Variants in RBFOX1 observed in about 807,000 individuals in gnomAD.
RBFOX1 encodes the protein RNA binding protein fox-1 homolog 1.
Under a neutral mutation model 57.7 loss-of-function variants are expected in RBFOX1, and 8 were observed. That is an observed-to-expected ratio of 0.14 (90% CI 0.08 to 0.25). The LOEUF is 0.25. Ranked by LOEUF, RBFOX1 falls within the 10% of genes least tolerant of loss-of-function variation. The pLI is 1.00. For missense variants in RBFOX1, 611 were observed against 548.5 expected, an observed-to-expected ratio of 1.11 and a Z score of -1.14; for synonymous variants, 326 against 222.4, an observed-to-expected ratio of 1.47 and a Z score of -4.15.
At chr16:7,613,853 C>G (rs1260682603) in intron 10 of RBFOX1, among the ~76,000 whole-genome samples, 4 of 152,182 alleles carry the variant, frequency 2.6e-5, no homozygotes, top group Non-Finnish European at 5.9e-5. Context: ...TTAAGATTGT[C>G]TAGAACCCAC....
rs112278269 is a variant in RBFOX1, at chr16:5,925,131, C to T, written c.351+57796C>T. Among the ~76,000 whole-genome samples the T allele has an allele frequency of 5.3e-5, 8 of 152,224 alleles. No individual in the cohort carries two copies. In the East Asian group the frequency reaches 5.8e-4, roughly 11 times the overall value. ...CTCCTGATTATTGATCCTCAGATCC[C>T]GATGCCTCTGCAGACAAACTTCCCT... On this transcript the variant is annotated intron_variant, in intron 4 of 19. Transcript: ENST00000641259.
chr16:6,972,808 A>G (rs1226745822), intron 3 of RBFOX1, among the ~76,000 whole-genome samples: 3 of 151,950 alleles, frequency 2.0e-5, no homozygotes, highest in African/African-American at 7.3e-5. Flanking sequence ...TTCTGTTCAA[A>G]TTCATATTTT....
intron 3 of RBFOX1, among the ~76,000 whole-genome samples, chr16:7,043,413 G>A (rs955633916): frequency 1.3e-5 from 2 of 152,128 alleles, no homozygotes; most frequent in Admixed American, 1.3e-4. Flanking sequence ...AGTACCCTGA[G>A]TACATATGTC....
intron 3 of RBFOX1, among the ~76,000 whole-genome samples, chr16:5,658,758 ATG>A (rs1332464635): frequency 1.6e-5 from 2 of 122,478 alleles, no homozygotes; most frequent in Non-Finnish European, 3.5e-5. Flanking sequence ...ATATATATAT[ATG>A]TGTATGTATA....
At chr16:6,882,045 T>C (rs1028194087) in intron 3 of RBFOX1, among the ~76,000 whole-genome samples, 6 of 152,062 alleles carry the variant, frequency 3.9e-5, no homozygotes, top group Admixed American at 2.0e-4. Flanking sequence ...TCTGGAAAAA[T>C]GGTGATGTCA....
intron 1 of RBFOX1, among the ~76,000 whole-genome samples, chr16:6,161,096 A>T (rs1324558628): frequency 6.6e-6 from 1 of 152,130 alleles, no homozygotes; most frequent in African/African-American, 2.4e-5. Flanking sequence ...ATAAATGGAG[A>T]AGTGATCACT....
chr16:5,725,070 G>A (rs2052090511), intron 3 of RBFOX1, among the ~76,000 whole-genome samples: 1 of 152,086 alleles, frequency 6.6e-6, no homozygotes, highest in Non-Finnish European at 1.5e-5. Flanking sequence ...TGGATAATGA[G>A]GGTGTGTCTG....
At chr16:6,355,751 A>G (rs928676743) in intron 2 of RBFOX1, among the ~76,000 whole-genome samples, 1 of 152,184 alleles carries the variant, frequency 6.6e-6, no homozygotes, top group African/African-American at 2.4e-5. Flanking sequence ...ACTCCCACCA[A>G]CAGTGTAAAA....
chr16:7,388,044 CT>C (rs1235939585), intron 4 of RBFOX1, among the ~76,000 whole-genome samples: 4 of 148,642 alleles, frequency 2.7e-5, no homozygotes, highest in South Asian at 2.2e-4. Flanking sequence ...TTTTGTTTTG[CT>C]TTTTTTTTAA....
chr16:6,227,830 A>G (rs945315693), intron 1 of RBFOX1, among the ~76,000 whole-genome samples: 6 of 152,244 alleles, frequency 3.9e-5, no homozygotes, highest in African/African-American at 1.4e-4. Context: ...AGGTACACAC[A>G]AATCTTTTGG....
chr16:5,802,905 T>C (rs1374148955), intron 3 of RBFOX1, among the ~76,000 whole-genome samples: 1 of 152,210 alleles, frequency 6.6e-6, no homozygotes, highest in Non-Finnish European at 1.5e-5. Flanking sequence ...CTCACTGACA[T>C]TTACTGAGCA....
At chr16:6,426,252 C>CA (rs1247741108) in intron 2 of RBFOX1, among the ~76,000 whole-genome samples, 1 of 150,984 alleles carries the variant, frequency 6.6e-6, no homozygotes, top group Non-Finnish European at 1.5e-5. Flanking sequence ...AAGGCAGGTT[C>CA]AAAAACAGAT....
intron 3 of RBFOX1, among the ~76,000 whole-genome samples, chr16:6,940,554 C>G (rs1195225425): frequency 6.6e-6 from 1 of 152,144 alleles, no homozygotes; most frequent in African/African-American, 2.4e-5. Context: ...AATTCATCCT[C>G]TTGGAGAGAA....
At chr16:6,449,606 G>C (rs552391621) in intron 2 of RBFOX1, among the ~76,000 whole-genome samples, 66 of 152,346 alleles carry the variant, frequency 4.3e-4, no homozygotes, top group African/African-American at 1.5e-3. Context: ...GCACTGGGAT[G>C]TGGAAGGAGT....
chr16:7,356,177 A>G (rs1026188798), intron 4 of RBFOX1, among the ~76,000 whole-genome samples: 16 of 152,208 alleles, frequency 1.1e-4, no homozygotes, highest in African/African-American at 3.9e-4. Context: ...CATTGATTCC[A>G]TGCTAGGCAG....
chr16:6,901,675 T>C (rs1434292682), intron 3 of RBFOX1, among the ~76,000 whole-genome samples: 2 of 152,192 alleles, frequency 1.3e-5, no homozygotes, highest in Non-Finnish European at 2.9e-5. Flanking sequence ...GCATACAGAA[T>C]TTTCTGTTGT....
At chr16:6,671,277 G>A (rs534631620) in intron 3 of RBFOX1, among the ~76,000 whole-genome samples, 1 of 152,138 alleles carries the variant, frequency 6.6e-6, no homozygotes, top group East Asian at 1.9e-4. Context: ...GAACATGATA[G>A]AGTATTATGC....
At chr16:5,490,097 A>G (rs2042776643) in intron 2 of RBFOX1, among the ~76,000 whole-genome samples, 1 of 152,194 alleles carries the variant, frequency 6.6e-6, no homozygotes, top group Admixed American at 6.5e-5. Flanking sequence ...CTACTGTGGC[A>G]GAGCTTGATG....
intron 1 of RBFOX1, among the ~76,000 whole-genome samples, chr16:6,153,156 T>C (rs935518284): frequency 4.6e-5 from 7 of 151,596 alleles, no homozygotes; most frequent in African/African-American, 1.7e-4. Context: ...GGTGTACCCA[T>C]CACCAGAGCA....
Sources: allele counts gnomAD v4.1 joint callset (sites outside exome capture counted in the v4.1 genomes callset), GRCh38; gene constraint gnomAD v4.1.1; transcripts MANE v1.5; gene names NCBI Gene and HGNC (gene_info 2026-07-23, HGNC 2026-07-21).